MAN1A2: variants seen among roughly 807,000 people sequenced by gnomAD.
MAN1A2 encodes mannosidase alpha class 1A member 2.
A neutral mutation model predicts 75.7 loss-of-function variants in MAN1A2; 26 were observed. The ratio of observed to expected loss-of-function variants is 0.34; its 90% CI spans 0.25 to 0.48. The LOEUF (loss-of-function observed/expected upper bound fraction) is 0.48, where lower values mean the gene tolerates loss of function less well. MAN1A2 is among the 20% of genes least tolerant of loss of function. The pLI is 0.99. For synonymous variants in MAN1A2, 247 were observed against 264.6 expected (o/e 0.93, Z 0.65); for missense variants, 562 against 775.5 (o/e 0.72, Z 3.27).
chr1:117,395,407 A>G lies in MAN1A2; in HGVS notation c.303-6779A>G, dbSNP rs192409321. Among the ~76,000 whole-genome samples the G allele has an allele frequency of 5.3e-5, 8 of 152,334 alleles. No individual in the cohort carries two copies. In the East Asian group the frequency reaches 1.5e-3, roughly 29 times the overall value. ...CCTTAATTTTTTCATAACAAGGTAG[A>G]GAATAATGGTGTTTGATAGAGAGTA... On this transcript the variant is annotated intron_variant, in intron 1 of 12. Coordinates refer to ENST00000356554, the MANE Select transcript of MAN1A2 (RefSeq NM_006699.5).
At chr1:117,485,745 CAT>C (rs922836150) in intron 8 of MAN1A2, among the ~76,000 whole-genome samples, 2 of 151,974 alleles carry the variant, frequency 1.3e-5, no homozygotes, top group African/African-American at 4.8e-5. Context: ...TAAAAAATCA[CAT>C]GATTTCATTG....
chr1:117,382,717 A>G (rs1653391531), intron 1 of MAN1A2, among the ~76,000 whole-genome samples: 1 of 152,154 alleles, frequency 6.6e-6, no homozygotes, highest in Non-Finnish European at 1.5e-5. Flanking sequence ...AATTCTGTGA[A>G]GAAAGTCATT....
intron 8 of MAN1A2, among the ~76,000 whole-genome samples, chr1:117,489,935 T>C (rs1275634098): frequency 6.6e-6 from 1 of 151,740 alleles, no homozygotes; most frequent in East Asian, 1.9e-4. Flanking sequence ...ATAAGAAATG[T>C]ACTTTTTTTT....
At chr1:117,404,135 G>A (rs1030810267) in intron 2 of MAN1A2, among the ~76,000 whole-genome samples, 1 of 152,036 alleles carries the variant, frequency 6.6e-6, no homozygotes, top group Admixed American at 6.5e-5. Flanking sequence ...GTCGTGGTAT[G>A]GTATCTGTCT....
chr1:117,516,957 G>C (rs1224815024), intron 12 of MAN1A2, among the ~76,000 whole-genome samples: 1 of 152,090 alleles, frequency 6.6e-6, no homozygotes, highest in East Asian at 1.9e-4. Context: ...TCATCCTAGA[G>C]GATTAAAGGC....
intron 5 of MAN1A2, among the ~76,000 whole-genome samples, chr1:117,421,374 T>C (rs1234692641): frequency 1.3e-5 from 2 of 152,104 alleles, no homozygotes; most frequent in African/African-American, 2.4e-5. Flanking sequence ...AAGATACATA[T>C]CTATGTTAGC....
intron 1 of MAN1A2, among the ~76,000 whole-genome samples, chr1:117,390,277 G>A (rs979755687): frequency 1.3e-5 from 2 of 151,782 alleles, no homozygotes; most frequent in Non-Finnish European, 2.9e-5. Context: ...TTTCTTTGTG[G>A]AGAGGTTTTA....
intron 6 of MAN1A2, among the ~76,000 whole-genome samples, chr1:117,458,557 C>G (rs1382486210): frequency 8.1e-6 from 1 of 124,086 alleles, no homozygotes; most frequent in Non-Finnish European, 1.6e-5. Flanking sequence ...GAGTTTCGCT[C>G]TTGTTGCCCA....
chr1:117,376,690 G>A (rs954439105), intron 1 of MAN1A2, among the ~76,000 whole-genome samples: 1 of 152,202 alleles, frequency 6.6e-6, no homozygotes. Flanking sequence ...TTGAGATCTG[G>A]TACCTTTGTA....
intron 5 of MAN1A2, among the ~76,000 whole-genome samples, chr1:117,435,226 T>C (rs972879842): frequency 6.6e-6 from 1 of 152,058 alleles, no homozygotes; most frequent in African/African-American, 2.4e-5. Flanking sequence ...ATCAAGCACA[T>C]TGTGAAATTG....
At chr1:117,435,326 A>G (rs1399474030) in intron 5 of MAN1A2, among the ~76,000 whole-genome samples, 1 of 152,186 alleles carries the variant, frequency 6.6e-6, no homozygotes, top group African/African-American at 2.4e-5. Context: ...GATGAGGATA[A>G]ACCAAAGGAA....
At chr1:117,485,777 A>G (rs1429345189) in intron 8 of MAN1A2, among the ~76,000 whole-genome samples, 2 of 152,030 alleles carry the variant, frequency 1.3e-5, no homozygotes, top group African/African-American at 4.8e-5. Flanking sequence ...AAAGCTTTCA[A>G]TATGGATGTT....
At chr1:117,496,227 C>G (rs906542253) in intron 9 of MAN1A2, among the ~76,000 whole-genome samples, 1 of 151,882 alleles carries the variant, frequency 6.6e-6, no homozygotes, top group African/African-American at 2.4e-5. Context: ...ATAGAAATAC[C>G]TCTAAAGGTA....
intron 6 of MAN1A2, among the ~76,000 whole-genome samples, chr1:117,453,171 T>C (rs1299204131): frequency 6.6e-6 from 1 of 152,164 alleles, no homozygotes; most frequent in Non-Finnish European, 1.5e-5. Context: ...TTTTCTACAG[T>C]GAAGATGCCC....
At chr1:117,422,184 A>G (rs1648221961) in intron 5 of MAN1A2, among the ~76,000 whole-genome samples, 1 of 152,056 alleles carries the variant, frequency 6.6e-6, no homozygotes, top group Non-Finnish European at 1.5e-5. Flanking sequence ...GAAAATTTCC[A>G]TTTACCATTT....
intron 3 of MAN1A2, among the ~76,000 whole-genome samples, chr1:117,414,153 T>C (rs1158785950): frequency 6.6e-6 from 1 of 151,912 alleles, no homozygotes; most frequent in Non-Finnish European, 1.5e-5. Flanking sequence ...GGTTTCCTTT[T>C]TTCAATTTGA....
intron 12 of MAN1A2, among the ~76,000 whole-genome samples, chr1:117,507,497 A>G (rs1651409284): frequency 2.0e-5 from 3 of 151,742 alleles, no homozygotes; most frequent in Non-Finnish European, 4.4e-5. Flanking sequence ...GAAGACATAA[A>G]TACAGGAAAG....
At chr1:117,481,749 G>A (rs938968086) in intron 8 of MAN1A2, among the ~76,000 whole-genome samples, 1 of 151,924 alleles carries the variant, frequency 6.6e-6, no homozygotes, top group Non-Finnish European at 1.5e-5. Flanking sequence ...AAAAAGAAGT[G>A]GAGCATGCAA....
At chr1:117,395,638 C>A (rs543517107) in intron 1 of MAN1A2, among the ~76,000 whole-genome samples, 2 of 152,126 alleles carry the variant, frequency 1.3e-5, no homozygotes, top group East Asian at 3.9e-4. Flanking sequence ...TATGGGATAT[C>A]CAAAAGTTAA....
Sources: allele counts gnomAD v4.1 joint callset (sites outside exome capture counted in the v4.1 genomes callset), GRCh38; gene constraint gnomAD v4.1.1; transcripts MANE v1.5; gene names NCBI Gene and HGNC (gene_info 2026-07-23, HGNC 2026-07-21).